NELL1: variants seen among roughly 807,000 people sequenced by gnomAD.
NELL1 encodes protein kinase C-binding protein NELL1.
In NELL1, 76 loss-of-function variants were observed where a neutral mutation model predicts 107.4. That is an observed-to-expected ratio of 0.71 (90% CI 0.59 to 0.86). The LOEUF (loss-of-function observed/expected upper bound fraction) is 0.86, where lower values mean the gene tolerates loss of function less well. NELL1 is among the 40% of genes least tolerant of loss of function. The pLI is 0.00. For synonymous variants in NELL1, 353 were observed against 341.2 expected (o/e 1.03, Z -0.38); for missense variants, 1,024 against 1,005.5 (o/e 1.02, Z -0.25).
intron 15 of NELL1, among the ~76,000 whole-genome samples, chr11:21,439,669 A>G: frequency 6.6e-6 from 1 of 152,190 alleles, no homozygotes; most frequent in Admixed American, 6.5e-5. Flanking sequence ...AGTAAGTAAT[A>G]CAGCCAAGTC....
At chr11:20,686,016 C>T (rs553512936) in intron 2 of NELL1, among the ~76,000 whole-genome samples, 4 of 151,568 alleles carry the variant, frequency 2.6e-5, no homozygotes, top group South Asian at 2.1e-4. Context: ...GGAAATGGGA[C>T]GAATAAAAAG....
chr11:21,159,553 G>A (rs563071579), intron 13 of NELL1, among the ~76,000 whole-genome samples: 11 of 152,246 alleles, frequency 7.2e-5, no homozygotes, highest in African/African-American at 1.4e-4. Context: ...CTATTGCAGC[G>A]GATAATGTCT....
At chr11:21,303,490 C>T (rs1849542273) in intron 14 of NELL1, among the ~76,000 whole-genome samples, 1 of 151,966 alleles carries the variant, frequency 6.6e-6, no homozygotes, top group Non-Finnish European at 1.5e-5. Flanking sequence ...TTCCATCTGA[C>T]TGTAGCCTTA....
intron 15 of NELL1, among the ~76,000 whole-genome samples, chr11:21,454,581 GAA>G: frequency 6.6e-6 from 1 of 152,254 alleles, no homozygotes; most frequent in East Asian, 1.9e-4. Context: ...AAATGAAAAA[GAA>G]TACATCTCTT....
chr11:20,932,748 A>C (rs1344171355), intron 9 of NELL1, among the ~76,000 whole-genome samples: 6 of 152,236 alleles, frequency 3.9e-5, no homozygotes, highest in African/African-American at 1.2e-4. Context: ...AAGCCCTGGC[A>C]GTCTGGCTTC....
At chr11:20,768,322 A>C (rs1311951043) in intron 2 of NELL1, among the ~76,000 whole-genome samples, 1 of 152,238 alleles carries the variant, frequency 6.6e-6, no homozygotes, top group African/African-American at 2.4e-5. Context: ...TGAAACAGCC[A>C]GCCAAAAGGC....
intron 15 of NELL1, among the ~76,000 whole-genome samples, chr11:21,483,623 G>A (rs117572835): frequency 0.016 from 2,440 of 151,928 alleles, 59 homozygotes; most frequent in Non-Finnish European, 0.018. Context: ...TTTGGAGTCA[G>A]TGTAAAAGCT....
intron 12 of NELL1, among the ~76,000 whole-genome samples, chr11:21,073,254 G>T (rs1334239907): frequency 6.6e-6 from 1 of 152,002 alleles, no homozygotes; most frequent in Non-Finnish European, 1.5e-5. Flanking sequence ...AGATTACTTG[G>T]GATCCATCTA....
At chr11:20,927,914 T>C (rs1850534579) in intron 8 of NELL1, among the ~76,000 whole-genome samples, 1 of 152,232 alleles carries the variant, frequency 6.6e-6, no homozygotes, top group African/African-American at 2.4e-5. Context: ...ATCCATTATT[T>C]GTATATCCCT....
At chr11:21,318,542 C>G (rs1849930956) in intron 14 of NELL1, among the ~76,000 whole-genome samples, 1 of 152,184 alleles carries the variant, frequency 6.6e-6, no homozygotes. Context: ...CTCGAGAACT[C>G]CTTCTTTCAG....
At chr11:20,997,064 A>G (rs1852106999) in intron 12 of NELL1, among the ~76,000 whole-genome samples, 1 of 152,242 alleles carries the variant, frequency 6.6e-6, no homozygotes. Flanking sequence ...CTATAAGGGA[A>G]GAAAAAAACA....
intron 13 of NELL1, among the ~76,000 whole-genome samples, chr11:21,217,034 T>C (rs1355470563): frequency 6.6e-6 from 1 of 152,162 alleles, no homozygotes; most frequent in Non-Finnish European, 1.5e-5. Flanking sequence ...GGAAGTAATT[T>C]AGTCATGAGG....
At chr11:20,839,347 A>C (rs117823883) in intron 3 of NELL1, among the ~76,000 whole-genome samples, 4,503 of 152,268 alleles carry the variant, frequency 0.03, 84 homozygotes, top group Middle Eastern at 0.054. Context: ...TATGTTTGCT[A>C]AGAGGATTGA....
At chr11:21,483,588 C>A (rs1854545533) in intron 15 of NELL1, among the ~76,000 whole-genome samples, 1 of 151,804 alleles carries the variant, frequency 6.6e-6, no homozygotes, top group South Asian at 2.1e-4. Context: ...CAATATGTAT[C>A]AAGATTTTTG....
At chr11:21,344,342 A>G (rs761485804) in intron 14 of NELL1, among the ~76,000 whole-genome samples, 4 of 152,174 alleles carry the variant, frequency 2.6e-5, no homozygotes, top group Admixed American at 6.5e-5. Context: ...GGCAGCAGAG[A>G]GCAGTACTAA....
At chr11:20,825,824 A>G (rs1857869445) in intron 3 of NELL1, among the ~76,000 whole-genome samples, 1 of 151,198 alleles carries the variant, frequency 6.6e-6, no homozygotes, top group African/African-American at 2.4e-5. Context: ...TGTGAGAAAC[A>G]CATTTCAAAC....
At chr11:21,186,856 A>G (rs1856945584) in intron 13 of NELL1, among the ~76,000 whole-genome samples, 1 of 151,878 alleles carries the variant, frequency 6.6e-6, no homozygotes, top group Admixed American at 6.5e-5. Context: ...CTGCATTTCT[A>G]CAAACCCTCA....
intron 2 of NELL1, among the ~76,000 whole-genome samples, chr11:20,742,582 A>G (rs1442434596): frequency 2.0e-5 from 3 of 152,196 alleles, no homozygotes; most frequent in African/African-American, 7.2e-5. Flanking sequence ...CAGAAGGTGA[A>G]TGAGAAGCAA....
At chr11:20,766,885 G>T (rs947743390) in intron 2 of NELL1, among the ~76,000 whole-genome samples, 2 of 152,124 alleles carry the variant, frequency 1.3e-5, no homozygotes, top group Non-Finnish European at 2.9e-5. Context: ...TGGGATTACA[G>T]GCGTGCACCA....
Sources: gnomAD v4.1 joint callset for allele counts (sites outside exome capture counted in the v4.1 genomes callset) on GRCh38, gnomAD v4.1.1 for gene constraint, MANE v1.5 for transcripts, NCBI Gene and HGNC (gene_info 2026-07-23, HGNC 2026-07-21) for gene names.